The following PCNX2 variants were observed in gnomAD, a reference collection of about 807,000 sequenced individuals.
The protein encoded by PCNX2 is pecanex 2.
A neutral mutation model predicts 223.8 loss-of-function variants in PCNX2; 168 were observed. The ratio of observed to expected loss-of-function variants is 0.75; its 90% CI spans 0.66 to 0.85. The LOEUF (loss-of-function observed/expected upper bound fraction) is 0.85. Among genes scored for constraint, PCNX2 ranks in the 40% least tolerant of loss-of-function variants. PCNX2 has a pLI of 0.00. For synonymous variants in PCNX2, 1,006 were observed against 1,052.6 expected, an observed-to-expected ratio of 0.96 and a Z score of 0.86; for missense variants, 2,507 against 2,675.5, an observed-to-expected ratio of 0.94 and a Z score of 1.39.
intron 21 of PCNX2, among the ~76,000 whole-genome samples, chr1:233,124,141 T>C (rs1675965952): frequency 6.6e-6 from 1 of 152,230 alleles, no homozygotes; most frequent in South Asian, 2.1e-4. Flanking sequence ...TCATCTATAC[T>C]TTCAAATGAC....
At chr1:233,299,440 A>T (rs1662224393), upstream of PCNX2, among the ~76,000 whole-genome samples, 1 of 152,244 alleles carries the variant, frequency 6.6e-6, no homozygotes, top group Admixed American at 6.5e-5. Flanking sequence ...TAGCTTTCAA[A>T]GCATACATAA....
intron 22 of PCNX2, among the ~76,000 whole-genome samples, chr1:233,092,600 T>G (rs959026085): frequency 3.9e-5 from 6 of 151,998 alleles, no homozygotes; most frequent in Non-Finnish European, 5.9e-5. Context: ...TATAGCACAC[T>G]CTGGGCAAAT....
At chr1:233,076,749 A>G (rs903277155) in intron 23 of PCNX2, among the ~76,000 whole-genome samples, 1 of 152,248 alleles carries the variant, frequency 6.6e-6, no homozygotes, top group Non-Finnish European at 1.5e-5. Flanking sequence ...CACCTTGACT[A>G]AACTTATAAA....
At chr1:233,326,293 A>G in the PCNX2 span, among the ~76,000 whole-genome samples, 1 of 152,220 alleles carries the variant, frequency 6.6e-6, no homozygotes, top group Non-Finnish European at 1.5e-5. Flanking sequence ...CCCATACTTT[A>G]AATAGTTAGA....
intron 1 of PCNX2, among the ~76,000 whole-genome samples, chr1:233,274,299 AC>A (rs1354644885): frequency 6.6e-6 from 1 of 152,172 alleles, no homozygotes; most frequent in Non-Finnish European, 1.5e-5. Context: ...GTGAGGGGCT[AC>A]GTAGGTGCTA....
In PCNX2 at chr1:233,095,620, G is replaced by A. The variant is rs558467268; in HGVS notation, c.3946+135C>T. 1.9e-5 allele frequency: 15 copies of A among 790,962 alleles called. No individual in the cohort carries two copies. In the Admixed American group the frequency reaches 3.3e-4, roughly 17 times the overall value. The allele number at this position is 790,962 out of a possible 1,614,324, so 49.0% of individuals were successfully genotyped here. ...GCTAAGTGGCCTAAAGGGATCCAAA[G>A]TGCCTCTTCATGTCCCCATTAAAAT... On this transcript the variant is annotated intron_variant, in intron 22 of 33. Transcript: ENST00000258229.
intron 32 of PCNX2, among the ~76,000 whole-genome samples, chr1:232,987,860 G>C (rs1009874616): frequency 1.3e-5 from 2 of 152,234 alleles, no homozygotes; most frequent in African/African-American, 2.4e-5. Context: ...CCCATTTGCA[G>C]AGGGCACTGG....
rs560760416 is a variant in PCNX2 at position 233,125,295 on chromosome 1, C to G, written c.3837+9718G>C. Reference sequence around the variant, plus strand: ...TAATTTTGTTTCACGGGTCACTTCTCAATATTTTGTTACATCTTCCTTCCT... The same window carrying G: ...TAATTTTGTTTCACGGGTCACTTCTGAATATTTTGTTACATCTTCCTTCCT... On this transcript the variant is annotated intron_variant, in intron 21 of 33. Coordinates refer to ENST00000258229, the MANE Select transcript of PCNX2 (RefSeq NM_014801.4). 2.0e-5 allele frequency among the ~76,000 whole-genome samples: 3 copies of G among 152,296 alleles called. No individual in the cohort carries two copies. In the South Asian group the frequency reaches 6.2e-4, roughly 32 times the overall value.
At chr1:233,159,870 C>T (rs1181172366) in intron 19 of PCNX2, among the ~76,000 whole-genome samples, 1 of 152,146 alleles carries the variant, frequency 6.6e-6, no homozygotes, top group African/African-American at 2.4e-5. Context: ...TGGTCAGGCC[C>T]TTCTCCATCC....
chr1:233,087,168 T>C, intron 23 of PCNX2: 1 of 985,376 alleles, frequency 1.0e-6, no homozygotes, highest in Non-Finnish European at 1.2e-6. Context: ...ATGGTTTTGT[T>C]ACACTGCAGC....
intron 25 of PCNX2, among the ~76,000 whole-genome samples, chr1:233,036,999 T>C (rs1671477394): frequency 6.6e-6 from 1 of 152,190 alleles, no homozygotes; most frequent in African/African-American, 2.4e-5. Context: ...ACTGAGTCTC[T>C]CTCTTTGGGA....
the PCNX2 span, among the ~76,000 whole-genome samples, chr1:233,310,692 G>A: frequency 6.6e-6 from 1 of 152,172 alleles, no homozygotes; most frequent in Non-Finnish European, 1.5e-5. Flanking sequence ...GAATACCTGA[G>A]GCTGGGTCAT....
intron 8 of PCNX2, among the ~76,000 whole-genome samples, chr1:233,247,877 C>A (rs1290510498): frequency 3.4e-3 from 411 of 119,544 alleles, no homozygotes; most frequent in Non-Finnish European, 3.6e-3. Flanking sequence ...AACTCCGTCT[C>A]AAAAAAAAAA....
rs762649931 is a variant in PCNX2 at position 233,198,927 on chromosome 1, C to G, written c.3066+12G>C. On this transcript the variant is annotated intron_variant, in intron 15 of 33. Coordinates refer to ENST00000258229, the MANE Select transcript of PCNX2 (RefSeq NM_014801.4). Reference sequence around the variant, plus strand: ...ATCGAGAAGGATGAGGGCCCATGGTCCTCACACCTACCTTCACTGCACTGA... The same window carrying G: ...ATCGAGAAGGATGAGGGCCCATGGTGCTCACACCTACCTTCACTGCACTGA... 1 of 1,593,856 alleles carries G rather than the reference C, an allele frequency of 6.3e-7. No individual in the cohort carries two copies. The highest frequency in any genetic ancestry group is 2.3e-5 in the East Asian group (1 of 44,032).
chr1:233,102,092 T>A (rs929516924), intron 21 of PCNX2, among the ~76,000 whole-genome samples: 1 of 113,540 alleles, frequency 8.8e-6, no homozygotes, highest in Non-Finnish European at 2.1e-5. Flanking sequence ...TTTTTCTTTT[T>A]TTTTTTTTTT....
chr1:233,189,441 C>T (rs1443095116), intron 15 of PCNX2, among the ~76,000 whole-genome samples: 4 of 152,296 alleles, frequency 2.6e-5, no homozygotes, highest in South Asian at 4.1e-4. Context: ...AGACACAGAT[C>T]TGGGACGTGG....
chr1:233,138,529 G>C (rs923144168), intron 20 of PCNX2, among the ~76,000 whole-genome samples: 1 of 152,170 alleles, frequency 6.6e-6, no homozygotes, highest in African/African-American at 2.4e-5. Context: ...GAGTTGCAGG[G>C]TCAACCAGGA....
At chr1:233,277,287 T>A (rs1660966920) in intron 1 of PCNX2, among the ~76,000 whole-genome samples, 1 of 152,234 alleles carries the variant, frequency 6.6e-6, no homozygotes, top group Non-Finnish European at 1.5e-5. Flanking sequence ...TCTCCTCTCC[T>A]CTGCTCTACA....
chr1:233,087,398 T>C (rs1438107200), intron 23 of PCNX2, among the ~76,000 whole-genome samples: 2 of 152,124 alleles, frequency 1.3e-5, no homozygotes, highest in African/African-American at 4.8e-5. Flanking sequence ...CAGGCGGCCC[T>C]TTTAAAGTGA....
Sources: allele counts gnomAD v4.1 joint callset (sites outside exome capture counted in the v4.1 genomes callset), GRCh38; gene constraint gnomAD v4.1.1; transcripts MANE v1.5; gene names NCBI Gene and HGNC (gene_info 2026-07-23, HGNC 2026-07-21).